The following SEMA6D variants were observed in gnomAD, a reference collection of about 807,000 sequenced individuals.
SEMA6D encodes the protein semaphorin 6D, also known as semaphorin-6D.
In SEMA6D, 35 loss-of-function variants were observed where a neutral mutation model predicts 106.6. That is an observed-to-expected ratio of 0.33 (90% CI 0.25 to 0.44). The LOEUF is 0.44. Among genes scored for constraint, SEMA6D ranks in the 20% least tolerant of loss-of-function variants. The probability of loss-of-function intolerance (pLI) is 1.00; values close to 1 mark genes in which losing one functional copy is unlikely to be tolerated. For missense variants in SEMA6D, 1,185 were observed against 1,345.9 expected, an observed-to-expected ratio of 0.88 and a Z score of 1.87; for synonymous variants, 499 against 487.7, an observed-to-expected ratio of 1.02 and a Z score of -0.31.
intron 4 of SEMA6D, among the ~76,000 whole-genome samples, chr15:47,642,373 C>CT (rs139093425): frequency 0.034 from 5,234 of 152,182 alleles, 296 homozygotes; most frequent in African/African-American, 0.12. Flanking sequence ...TCAGACTCTA[C>CT]GTGATTTTTT....
chr15:47,497,802 A>T (rs2043719773), intron 3 of SEMA6D, among the ~76,000 whole-genome samples: 1 of 152,094 alleles, frequency 6.6e-6, no homozygotes, highest in Non-Finnish European at 1.5e-5. Context: ...GCTACCACTG[A>T]AGGCTTGGAA....
At chr15:47,764,843 G>A (rs545599994) in intron 12 of SEMA6D, 40 bp from the exon 13 acceptor site, 313 of 1,613,224 alleles carry the variant, frequency 1.9e-4, no homozygotes, top group Non-Finnish European at 2.5e-4. Flanking sequence ...TTCTCTGCCC[G>A]TTGGCCTCCC....
At position 47,530,415 on chromosome 15, in the gene SEMA6D, A is replaced by G. The variant is rs572415492; in HGVS notation, c.-87+59870A>G. Among the ~76,000 whole-genome samples the G allele has an allele frequency of 1.1e-3, 166 of 152,354 alleles. 1 individual carries two copies. The highest frequency in any genetic ancestry group is 1.8e-3 in the Non-Finnish European group (121 of 68,026). On this transcript the variant is annotated intron_variant, in intron 3 of 19. Transcript: ENST00000558014. Reference sequence around the variant, plus strand: ...TTAAAACAACAAAATTAAGAACTTCATAATTAGACAATAGTTCCCTAAATT... The same window carrying G: ...TTAAAACAACAAAATTAAGAACTTCGTAATTAGACAATAGTTCCCTAAATT...
chr15:47,554,042 C>T (rs1236077863), intron 3 of SEMA6D, among the ~76,000 whole-genome samples: 1 of 152,152 alleles, frequency 6.6e-6, no homozygotes, highest in Non-Finnish European at 1.5e-5. Context: ...ACATACTTTG[C>T]ACCAGGGGAT....
At chr15:47,668,026 G>T (rs546105840) in intron 4 of SEMA6D, among the ~76,000 whole-genome samples, 120 of 152,116 alleles carry the variant, frequency 7.9e-4, no homozygotes, top group Non-Finnish European at 1.4e-3. Context: ...GAAAATATTT[G>T]AATTCTTTAA....
chr15:47,531,474 T>C (rs1412311909), intron 3 of SEMA6D, among the ~76,000 whole-genome samples: 3 of 152,230 alleles, frequency 2.0e-5, no homozygotes, highest in Non-Finnish European at 4.4e-5. Flanking sequence ...AGCTACCCAT[T>C]TGGCAGATGC....
intron 1 of SEMA6D, among the ~76,000 whole-genome samples, chr15:47,271,781 G>A (rs1383875196): frequency 1.3e-5 from 2 of 152,210 alleles, no homozygotes; most frequent in Non-Finnish European, 2.9e-5. Context: ...CCAGGAGTGA[G>A]ACTGGTGGTT....
chr15:47,422,167 CGCCCGCCT>C (rs1349910661), intron 2 of SEMA6D, among the ~76,000 whole-genome samples: 1 of 64,396 alleles, frequency 1.6e-5, no homozygotes, highest in African/African-American at 4.2e-5. Flanking sequence ...ATTTTTTGCC[CGCCCGCCT>C]GCCTGCCTTC....
chr15:47,479,824 C>T (rs2043101789), intron 3 of SEMA6D, among the ~76,000 whole-genome samples: 1 of 151,530 alleles, frequency 6.6e-6, no homozygotes, highest in Admixed American at 6.6e-5. Context: ...TCATTAATTC[C>T]ATACTGCACC....
intron 1 of SEMA6D, among the ~76,000 whole-genome samples, chr15:47,235,380 G>T (rs1489876486): frequency 3.3e-5 from 5 of 151,708 alleles, no homozygotes; most frequent in Non-Finnish European, 4.4e-5. Flanking sequence ...TTTGCTTTTG[G>T]GGTCTTAGTA....
intron 3 of SEMA6D, among the ~76,000 whole-genome samples, chr15:47,587,872 C>T (rs1432494294): frequency 6.6e-6 from 1 of 151,900 alleles, no homozygotes; most frequent in African/African-American, 2.4e-5. Flanking sequence ...CCTCCCCTTT[C>T]TCCATTTGCA....
intron 3 of SEMA6D, among the ~76,000 whole-genome samples, chr15:47,534,398 G>A (rs2045084252): frequency 6.6e-6 from 1 of 151,834 alleles, no homozygotes; most frequent in Non-Finnish European, 1.5e-5. Flanking sequence ...GGCCAGGCTG[G>A]TCTCCAACTC....
At chr15:47,368,090 C>T (rs1195053460) in intron 1 of SEMA6D, among the ~76,000 whole-genome samples, 1 of 152,170 alleles carries the variant, frequency 6.6e-6, no homozygotes, top group Non-Finnish European at 1.5e-5. Context: ...GTGCACTCAG[C>T]ATTTCATCTT....
At chr15:47,494,395 CTGA>C (rs1262752366) in intron 3 of SEMA6D, among the ~76,000 whole-genome samples, 2 of 151,840 alleles carry the variant, frequency 1.3e-5, no homozygotes, top group Non-Finnish European at 2.9e-5. Context: ...TGTAAAACAG[CTGA>C]TGAAGAATCA....
In SEMA6D at chr15:47,398,458, G is replaced by A. The variant is rs188744222; in HGVS notation, c.-238-13935G>A. ...AGCCTTCAGGGTAGGACCGCAGGTC[G>A]TAGGGTCTGTGTCTATGCCAATAAA... On this transcript the variant is annotated intron_variant, in intron 1 of 19. Coordinates refer to the SEMA6D transcript ENST00000558014. Among the ~76,000 whole-genome samples, 217 of 152,310 alleles carry A rather than the reference G, an allele frequency of 1.4e-3. 1 individual carries two copies. The highest frequency in any genetic ancestry group is 3.5e-4 in the Non-Finnish European group (24 of 68,028).
intron 3 of SEMA6D, among the ~76,000 whole-genome samples, chr15:47,491,207 G>T (rs141222441): frequency 6.6e-6 from 1 of 152,056 alleles, no homozygotes; most frequent in Non-Finnish European, 1.5e-5. Context: ...CCTGCTCTTT[G>T]CCCACCCACC....
rs1044736483 is a variant in SEMA6D at position 47,259,793 on chromosome 15, G to A, written c.-239+75375G>A. On this transcript the variant is annotated intron_variant, in intron 1 of 19. Transcript: ENST00000558014. ...CAACTCCATTCTGATTCTCCTTTTC[G>A]TAGACATTGATGATATGAGTGTTGG... 8.5e-5 allele frequency among the ~76,000 whole-genome samples: 13 copies of A among 152,058 alleles called. 1 individual carries two copies. The highest frequency in any genetic ancestry group is 1.2e-4 in the Non-Finnish European group (8 of 67,960).
At position 47,773,144 on chromosome 15, in the gene SEMA6D, ACT is replaced by A. The variant is rs1475457332; in HGVS notation, c.*1360_*1361del. 1.2e-4 allele frequency: 19 copies of A among 152,758 alleles called. No homozygotes were observed. Among genetic ancestry groups the A allele is most frequent in the Admixed American group, 4.6e-4 (7 of 15,300 alleles). 9.5% of individuals were successfully genotyped at this position (152,758 alleles called of 1,614,324 possible). The stretch of plus-strand genomic sequence containing the variant: ...GTGTTTTCAGTATAGCACATTATTT[ACT>A]GAGTGCCAGTTGTAAATGTTTTTCA... On this transcript the variant is annotated 3_prime_UTR_variant, in exon 19 of 19. Transcript: ENST00000536845.
At chr15:47,551,818 T>G (rs540394576) in intron 3 of SEMA6D, among the ~76,000 whole-genome samples, 1 of 152,272 alleles carries the variant, frequency 6.6e-6, no homozygotes, top group Admixed American at 6.5e-5. Context: ...TAGAATTATG[T>G]ATAATTTCAC....
Sources: allele counts gnomAD v4.1 joint callset (sites outside exome capture counted in the v4.1 genomes callset), GRCh38; gene constraint gnomAD v4.1.1; transcripts MANE v1.5; gene names NCBI Gene and HGNC (gene_info 2026-07-23, HGNC 2026-07-21).